Variants in CCDC102B observed in about 807,000 individuals in gnomAD.
CCDC102B encodes coiled-coil domain-containing protein 102B.
Under a neutral mutation model 57.4 loss-of-function variants are expected in CCDC102B, and 75 were observed. The observed-to-expected ratio is 1.31, with a 90% CI of 1.08 to 1.58. The LOEUF (loss-of-function observed/expected upper bound fraction) is 1.58. Among genes scored for constraint, CCDC102B ranks in the 40% most tolerant of loss-of-function variants. CCDC102B has a pLI of 0.00. For synonymous variants in CCDC102B, 206 were observed against 201.9 expected (o/e 1.02, Z -0.17); for missense variants, 636 against 582.6 (o/e 1.09, Z -0.94).
intron 2 of CCDC102B, among the ~76,000 whole-genome samples, chr18:68,747,494 T>A (rs753831320): frequency 2.0e-5 from 3 of 152,116 alleles, no homozygotes; most frequent in Non-Finnish European, 4.4e-5. Flanking sequence ...ACCTAAACTT[T>A]ATACCCATTA....
At chr18:69,033,361 T>C (rs2052199574) in intron 7 of CCDC102B, among the ~76,000 whole-genome samples, 1 of 152,144 alleles carries the variant, frequency 6.6e-6, no homozygotes, top group Non-Finnish European at 1.5e-5. Flanking sequence ...CATCATCATG[T>C]TGTGTAACAA....
chr18:68,943,547 C>G (rs999188349), intron 6 of CCDC102B, among the ~76,000 whole-genome samples: 1 of 152,038 alleles, frequency 6.6e-6, no homozygotes, highest in Non-Finnish European at 1.5e-5. Context: ...TTAATTCACT[C>G]AAAAATTTGA....
rs11664671 is a variant in CCDC102B, at chr18:68,740,857, A to T, written c.-67+24263A>T. 1.6e-3 allele frequency among the ~76,000 whole-genome samples: 240 copies of T among 152,324 alleles called. 1 individual carries two copies. Among genetic ancestry groups the T allele is most frequent in the Non-Finnish European group, 2.8e-3 (192 of 68,030 alleles). On this transcript the variant is annotated intron_variant, in intron 2 of 3. Transcript: ENST00000578970. ...AATATTTAAGTATATATAAATTACT[A>T]AAGTAACACTGAATTCTATTTGCTT...
intron 7 of CCDC102B, among the ~76,000 whole-genome samples, chr18:69,032,328 G>A (rs1405388070): frequency 1.3e-5 from 2 of 152,128 alleles, no homozygotes; most frequent in African/African-American, 2.4e-5. Context: ...AGGAAAGTGG[G>A]AAATAATGCA....
rs150885124 is a variant in CCDC102B, at chr18:68,801,425, T to C, written c.-16+3244T>C. 4.8e-3 allele frequency among the ~76,000 whole-genome samples: 725 copies of C among 152,248 alleles called. 11 individuals carry two copies. The highest frequency in any genetic ancestry group is 0.016 in the African/African-American group (678 of 41,576). On this transcript the variant is annotated intron_variant, in intron 1 of 7. Coordinates refer to ENST00000360242, the MANE Select transcript of CCDC102B (RefSeq NM_024781.3). Reference sequence around the variant, plus strand: ...CTGTTAACATTATTATATACTTAAATATTATCCAAGTTGATTTATATTTAA... The same window carrying C: ...CTGTTAACATTATTATATACTTAAACATTATCCAAGTTGATTTATATTTAA...
At chr18:68,800,011 C>T (rs950415919) in intron 1 of CCDC102B, among the ~76,000 whole-genome samples, 5 of 152,052 alleles carry the variant, frequency 3.3e-5, no homozygotes, top group African/African-American at 9.7e-5. Flanking sequence ...TAATCATCAT[C>T]ATCATCATTT....
chr18:68,961,349 CAAG>C (rs1418364581), intron 6 of CCDC102B, among the ~76,000 whole-genome samples: 1 of 151,506 alleles, frequency 6.6e-6, no homozygotes, highest in Non-Finnish European at 1.5e-5. Flanking sequence ...AATACAGAAA[CAAG>C]AATAAAAAAA....
intron 1 of CCDC102B, among the ~76,000 whole-genome samples, chr18:68,805,786 A>G (rs913557413): frequency 2.0e-5 from 3 of 152,192 alleles, no homozygotes; most frequent in South Asian, 2.1e-4. Flanking sequence ...TAACGACACT[A>G]TATATGAAAT....
At chr18:68,862,976 A>G (rs1443579641) in intron 4 of CCDC102B, among the ~76,000 whole-genome samples, 3 of 151,948 alleles carry the variant, frequency 2.0e-5, no homozygotes, top group Non-Finnish European at 1.5e-5. Flanking sequence ...CATGTATCTC[A>G]AAACATAGAG....
chr18:68,794,852 T>C (rs748710976), upstream of CCDC102B, among the ~76,000 whole-genome samples: 16 of 151,986 alleles, frequency 1.1e-4, no homozygotes, highest in Non-Finnish European at 1.9e-4. Context: ...ACAAATAATT[T>C]GTGAGGCAGA....
rs57064090 is a variant in CCDC102B, at chr18:68,913,310, CTG to C, written c.1263+15915_1263+15916del. 4.5e-3 allele frequency among the ~76,000 whole-genome samples: 606 copies of C among 135,576 alleles called. 5 individuals are homozygous for C. Among genetic ancestry groups the C allele is most frequent in the East Asian group, 0.026 (110 of 4,292 alleles). 88.9% of individuals were successfully genotyped at this position (135,576 alleles called of 152,430 possible). A position where few individuals can be genotyped will look rare whatever the true frequency, so the allele number is the denominator to read the frequency against. ...TAATTTTCCATTGGATGGTTAGTGT[CTG>C]TGTGTGTGTGTGTGTGTGTGTGTGT... On this transcript the variant is annotated intron_variant, in intron 6 of 7. Transcript: ENST00000360242.
In CCDC102B at chr18:68,871,658, C is replaced by G. The variant is rs115890567; in HGVS notation, c.937-3011C>G. On this transcript the variant is annotated intron_variant, in intron 4 of 7. Coordinates refer to ENST00000360242, the MANE Select transcript of CCDC102B (RefSeq NM_024781.3). Reference sequence around the variant, plus strand: ...ATTTTTTATTTATTTTTTTACTCCTCCATGCCTAGAGTATACAAGTAACAG... The same window carrying G: ...ATTTTTTATTTATTTTTTTACTCCTGCATGCCTAGAGTATACAAGTAACAG... Among the ~76,000 whole-genome samples, 719 of 151,974 alleles carry G rather than the reference C, an allele frequency of 4.7e-3. 6 individuals carry two copies. Among genetic ancestry groups the G allele is most frequent in the African/African-American group, 0.017 (690 of 41,434 alleles).
intron 6 of CCDC102B, among the ~76,000 whole-genome samples, chr18:68,946,208 C>A (rs1385769909): frequency 1.3e-5 from 2 of 151,970 alleles, no homozygotes; most frequent in Non-Finnish European, 2.9e-5. Flanking sequence ...TTTTTCTGTA[C>A]AAATTATCTC....
intron 5 of CCDC102B, among the ~76,000 whole-genome samples, chr18:68,883,452 G>T (rs1006909085): frequency 6.6e-6 from 1 of 152,146 alleles, no homozygotes; most frequent in East Asian, 1.9e-4. Flanking sequence ...ACAACAGGTA[G>T]CTCTGATAAT....
At chr18:69,020,559 CT>C (rs1323230273) in intron 7 of CCDC102B, among the ~76,000 whole-genome samples, 3 of 152,058 alleles carry the variant, frequency 2.0e-5, no homozygotes, top group South Asian at 2.1e-4. Context: ...TGCATGGGTG[CT>C]TTTAAATAGC....
At chr18:68,907,520 A>G (rs537081925) in intron 6 of CCDC102B, among the ~76,000 whole-genome samples, 1 of 152,242 alleles carries the variant, frequency 6.6e-6, no homozygotes, top group South Asian at 2.1e-4. Flanking sequence ...CCTTGGTTGA[A>G]TTTATTCCTA....
chr18:68,889,644 G>A (rs2040007032), intron 5 of CCDC102B, among the ~76,000 whole-genome samples: 1 of 152,046 alleles, frequency 6.6e-6, no homozygotes, highest in Non-Finnish European at 1.5e-5. Flanking sequence ...TCTCCATGTT[G>A]GTCAAGCTGG....
intron 6 of CCDC102B, among the ~76,000 whole-genome samples, chr18:68,898,222 T>C (rs1383906308): frequency 6.6e-6 from 1 of 152,104 alleles, no homozygotes; most frequent in Non-Finnish European, 1.5e-5. Context: ...CTCAGTTTCT[T>C]TAACAGTTTT....
intron 2 of CCDC102B, among the ~76,000 whole-genome samples, chr18:68,741,415 G>C (rs2145223278): frequency 6.6e-6 from 1 of 152,260 alleles, no homozygotes; most frequent in Admixed American, 6.5e-5. Context: ...TGATGCCTCT[G>C]TCACTAAACA....
Sources: gnomAD v4.1 joint callset for allele counts (sites outside exome capture counted in the v4.1 genomes callset) on GRCh38, gnomAD v4.1.1 for gene constraint, MANE v1.5 for transcripts, NCBI Gene and HGNC (gene_info 2026-07-23, HGNC 2026-07-21) for gene names.